The following ARHGAP6 variants were observed in gnomAD, a reference collection of about 807,000 sequenced individuals.
The protein encoded by ARHGAP6 is Rho GTPase activating protein 6, also known as rho GTPase-activating protein 6.
Under a neutral mutation model 55.7 loss-of-function variants are expected in ARHGAP6, and 16 were observed. That is an observed-to-expected ratio of 0.29 (90% CI 0.19 to 0.44). The LOEUF (loss-of-function observed/expected upper bound fraction) is 0.44. ARHGAP6 is among the 20% of genes least tolerant of loss of function. The pLI is 1.00. For synonymous variants in ARHGAP6, 382 were observed against 360.9 expected (o/e 1.06, Z -0.66); for missense variants, 698 against 808.9 (o/e 0.86, Z 1.66).
intron 1 of ARHGAP6, among the ~76,000 whole-genome samples, chrX:11,521,265 T>A (rs2050922516): frequency 1.8e-5 from 2 of 112,000 alleles, no homozygotes; most frequent in Non-Finnish European, 3.8e-5. Context: ...TTACCTAGGT[T>A]TTCTTCTAGG....
chrX:11,427,982 G>A (rs1024290731), intron 1 of ARHGAP6, among the ~76,000 whole-genome samples: 7 of 112,392 alleles, frequency 6.2e-5, no homozygotes, highest in South Asian at 3.7e-4. Context: ...ACGCGCCCAC[G>A]ACAGGTGTCA....
chrX:11,198,018 TA>T (rs1448235487), intron 2 of ARHGAP6, among the ~76,000 whole-genome samples: 1 of 111,748 alleles, frequency 8.9e-6, no homozygotes, highest in Non-Finnish European at 1.9e-5. Flanking sequence ...ACTAAAAATG[TA>T]AAGAAAGAGA....
intron 10 of ARHGAP6, among the ~76,000 whole-genome samples, chrX:11,152,300 A>C (rs2045792242): frequency 8.9e-6 from 1 of 112,580 alleles, no homozygotes; most frequent in Non-Finnish European, 1.9e-5. Flanking sequence ...TGTTATTGAC[A>C]GATAACTGAC....
intron 1 of ARHGAP6, among the ~76,000 whole-genome samples, chrX:11,369,527 TC>T (rs777966858): frequency 1.8e-5 from 2 of 111,577 alleles, no homozygotes; most frequent in Non-Finnish European, 3.8e-5. Context: ...AACCTTGCCC[TC>T]ATCACTCATA....
intron 1 of ARHGAP6, among the ~76,000 whole-genome samples, chrX:11,285,022 A>G (rs2047903320): frequency 9.0e-6 from 1 of 111,671 alleles, no homozygotes; most frequent in African/African-American, 3.3e-5. Flanking sequence ...ATTGAGTCCC[A>G]CAGCACACCT....
rs182719034 is a variant in ARHGAP6 at position 11,213,068 on chromosome X, C to T, written c.749-16072G>A. On this transcript the variant is annotated intron_variant, in intron 2 of 12. Coordinates refer to ENST00000337414, the MANE Select transcript of ARHGAP6 (RefSeq NM_013427.3). ...CTCTGTTCCCACAATATTCCAGCTCCTCATCCTGGCAAAGGAAGCAAGGAG... is the reference window on the plus strand; with the variant it reads ...CTCTGTTCCCACAATATTCCAGCTCTTCATCCTGGCAAAGGAAGCAAGGAG... Among the ~76,000 whole-genome samples, 34 of 112,750 alleles carry T rather than the reference C, an allele frequency of 3.0e-4. No individual in the cohort carries two copies. In the East Asian group the frequency reaches 9.0e-3, roughly 30 times the overall value.
intron 2 of ARHGAP6, among the ~76,000 whole-genome samples, chrX:11,235,379 G>C (rs1192527548): frequency 2.2e-4 from 25 of 112,054 alleles, no homozygotes; most frequent in African/African-American, 7.8e-4. Context: ...GGGGCCCTGG[G>C]CCAGGCCCAG....
At chrX:11,533,057 T>G (rs2051068435) in intron 1 of ARHGAP6, among the ~76,000 whole-genome samples, 1 of 111,263 alleles carries the variant, frequency 9.0e-6, no homozygotes, top group African/African-American at 3.3e-5. Flanking sequence ...TTTTAAAAAA[T>G]TAGATGTCCA....
chrX:11,317,149 G>A (rs907439384), intron 1 of ARHGAP6, among the ~76,000 whole-genome samples: 2 of 112,234 alleles, frequency 1.8e-5, no homozygotes, highest in African/African-American at 6.5e-5. Context: ...GGAAGCCTTT[G>A]GAAATGTTTC....
intron 1 of ARHGAP6, among the ~76,000 whole-genome samples, chrX:11,493,062 A>G (rs1201951104): frequency 8.9e-6 from 1 of 112,222 alleles, no homozygotes; most frequent in Non-Finnish European, 1.9e-5. Flanking sequence ...AACCTGGACT[A>G]TACATGTTGG....
chrX:11,558,422 T>G (rs1247060688), intron 1 of ARHGAP6, among the ~76,000 whole-genome samples: 1 of 111,917 alleles, frequency 8.9e-6, no homozygotes, highest in Non-Finnish European at 1.9e-5. Flanking sequence ...GGCAAAGGAA[T>G]GGGCTTAATT....
chrX:11,520,970 G>C (rs1375135825), intron 1 of ARHGAP6, among the ~76,000 whole-genome samples: 1 of 112,245 alleles, frequency 8.9e-6, no homozygotes, highest in Non-Finnish European at 1.9e-5. Context: ...CTTTTGAGAA[G>C]TGTCTGTTCA....
At chrX:11,494,784 C>A (rs2050606135) in intron 1 of ARHGAP6, among the ~76,000 whole-genome samples, 1 of 111,686 alleles carries the variant, frequency 9.0e-6, no homozygotes, top group South Asian at 3.7e-4. Flanking sequence ...CCTTTGTGTA[C>A]TTATCTGGGG....
At chrX:11,520,533 T>G (rs2050911509) in intron 1 of ARHGAP6, among the ~76,000 whole-genome samples, 1 of 110,847 alleles carries the variant, frequency 9.0e-6, no homozygotes, top group African/African-American at 3.3e-5. Context: ...GGTGTATATG[T>G]GCCACATTTT....
chrX:11,614,255 T>G (rs2052137133), intron 1 of ARHGAP6, among the ~76,000 whole-genome samples: 1 of 111,793 alleles, frequency 8.9e-6, no homozygotes, highest in Non-Finnish European at 1.9e-5. Context: ...GTGTAGCCCC[T>G]GTGTATTAGT....
At position 11,139,133 on chromosome X, in the gene ARHGAP6, C is replaced by T. The variant is rs368856378; in HGVS notation, c.2655G>A (p.Pro885=). 21 of 1,204,392 alleles carry T rather than the reference C, an allele frequency of 1.7e-5. No homozygotes were observed. Among genetic ancestry groups the T allele is most frequent in the Non-Finnish European group, 2.2e-5 (20 of 893,022 alleles). The change falls in exon 13 of 13, where the codon CCG becomes CCA. Residue 885 remains proline (P), a synonymous_variant. Coordinates refer to ENST00000337414, the MANE Select transcript of ARHGAP6 (RefSeq NM_013427.3). The part of the protein sequence containing the change: ...RDDKRPPPPY[P]GPGKPAAAAA... ...CCGCTGCCGCGGGCTTCCCTGGGCC[C>T]GGGTATGGAGGCGGGGGCCGCTTGT... is the stretch of plus-strand genomic sequence containing the variant.
At chrX:11,547,862 T>C (rs1347371524) in intron 1 of ARHGAP6, among the ~76,000 whole-genome samples, 1 of 111,918 alleles carries the variant, frequency 8.9e-6, no homozygotes, top group Non-Finnish European at 1.9e-5. Context: ...TTAGCTGTGG[T>C]CCTGAGTTTC....
intron 7 of ARHGAP6, 131 bp downstream of exon 7, chrX:11,179,171 T>G: frequency 3.2e-6 from 2 of 627,659 alleles, no homozygotes; most frequent in Non-Finnish European, 4.6e-6. Context: ...TTCCCTCAAA[T>G]AGCTCACTCT....
rs1380328837 is a variant in ARHGAP6, at chrX:11,215,639, T to C, written c.749-18643A>G. ...TCTAACATCCGAGGACAACCAGCCA[T>C]GGAGCCCGTGGGCAGGAAGCTCATG... On this transcript the variant is annotated intron_variant, in intron 2 of 12. Transcript: ENST00000337414. Among the ~76,000 whole-genome samples the C allele has an allele frequency of 7.1e-5, 8 of 112,837 alleles. No individual in the cohort carries two copies. In the South Asian group the frequency reaches 2.5e-3, roughly 36 times the overall value.
Sources: gnomAD v4.1 joint callset for allele counts (sites outside exome capture counted in the v4.1 genomes callset) on GRCh38, gnomAD v4.1.1 for gene constraint, MANE v1.5 for transcripts, NCBI Gene and HGNC (gene_info 2026-07-23, HGNC 2026-07-21) for gene names.